DPP6: variants seen among roughly 807,000 people sequenced by gnomAD.
The protein encoded by DPP6 is A-type potassium channel modulatory protein DPP6.
In DPP6, 69 loss-of-function variants were observed where a neutral mutation model predicts 122.6. The observed-to-expected ratio is 0.56, with a 90% confidence interval of 0.46 to 0.69. The LOEUF (loss-of-function observed/expected upper bound fraction) is 0.69, where lower values mean the gene tolerates loss of function less well. DPP6 is among the 30% of genes least tolerant of loss of function. DPP6 has a pLI of 0.00. For missense variants in DPP6, 928 were observed against 1,116.9 expected (o/e 0.83, Z 2.41); for synonymous variants, 418 against 433.1 (o/e 0.97, Z 0.43).
the DPP6 span, among the ~76,000 whole-genome samples, chr7:153,854,457 C>T: frequency 6.7e-6 from 1 of 150,228 alleles, no homozygotes; most frequent in Non-Finnish European, 1.5e-5. Flanking sequence ...CAAAAGAAGA[C>T]ATTTATGCAG....
intron 1 of DPP6, among the ~76,000 whole-genome samples, chr7:153,895,728 G>GCACA (rs10599371): frequency 0.014 from 2,029 of 149,918 alleles, 22 homozygotes; most frequent in South Asian, 0.049. Context: ...GTGCATGCGT[G>GCACA]CACACACACA....
chr7:154,164,911 A>G (rs920276671), intron 1 of DPP6, among the ~76,000 whole-genome samples: 8 of 152,230 alleles, frequency 5.3e-5, no homozygotes, highest in African/African-American at 1.9e-4. Context: ...GGTATGAATG[A>G]GGCTGCTATG....
chr7:154,535,156 C>T (rs117486723), intron 3 of DPP6, among the ~76,000 whole-genome samples: 2,309 of 151,960 alleles, frequency 0.015, 29 homozygotes, highest in Non-Finnish European at 0.022. Context: ...GAATAACAAA[C>T]GAGTTATGTA....
intron 16 of DPP6, among the ~76,000 whole-genome samples, chr7:154,819,455 A>G (rs1253375604): frequency 6.6e-6 from 1 of 152,154 alleles, no homozygotes; most frequent in Non-Finnish European, 1.5e-5. Context: ...ATTCAACTCA[A>G]TAAATAATGA....
chr7:154,675,514 A>G (rs1838844385), intron 7 of DPP6, among the ~76,000 whole-genome samples: 1 of 152,176 alleles, frequency 6.6e-6, no homozygotes, highest in South Asian at 2.1e-4. Context: ...CATGGTCACA[A>G]GCTAGCTTAG....
At chr7:154,585,599 T>A (rs1832388081) in intron 5 of DPP6, among the ~76,000 whole-genome samples, 1 of 152,226 alleles carries the variant, frequency 6.6e-6, no homozygotes, top group African/African-American at 2.4e-5. Context: ...AATAGTGTAG[T>A]ATTTCCCTAT....
chr7:153,836,085 C>T, the DPP6 span, among the ~76,000 whole-genome samples: 4 of 152,218 alleles, frequency 2.6e-5, no homozygotes, highest in African/African-American at 7.2e-5. Flanking sequence ...CTTATCTGAT[C>T]TCCAAACACC....
chr7:154,337,944 C>A (rs1809576014), intron 1 of DPP6, among the ~76,000 whole-genome samples: 1 of 152,198 alleles, frequency 6.6e-6, no homozygotes, highest in Non-Finnish European at 1.5e-5. Context: ...AGCTCTCGGC[C>A]CGTGTGGCAT....
chr7:153,830,792 G>A, the DPP6 span, among the ~76,000 whole-genome samples: 3 of 152,186 alleles, frequency 2.0e-5, no homozygotes, highest in Non-Finnish European at 4.4e-5. Flanking sequence ...AATAGCTTAA[G>A]ATATATTTCA....
intron 1 of DPP6, among the ~76,000 whole-genome samples, chr7:154,366,983 C>G (rs1812244109): frequency 6.6e-6 from 1 of 152,162 alleles, no homozygotes; most frequent in African/African-American, 2.4e-5. Context: ...TTGAGATGCT[C>G]TTCGATGTCA....
intron 3 of DPP6, among the ~76,000 whole-genome samples, chr7:154,511,098 C>A (rs560415030): frequency 6.6e-6 from 1 of 151,970 alleles, no homozygotes; most frequent in East Asian, 1.9e-4. Flanking sequence ...AAGGAAAATT[C>A]GATATCACTT....
chr7:154,054,840 C>T (rs1800677309), intron 1 of DPP6, among the ~76,000 whole-genome samples: 1 of 149,568 alleles, frequency 6.7e-6, no homozygotes, highest in African/African-American at 2.5e-5. Context: ...GTTTTTTTCT[C>T]AACAGGCTCT....
rs571456560 is a variant in DPP6 at position 154,621,516 on chromosome 7, A to C, written c.628-16305A>C. ...CCCAAGTAGCTGGGATTACAGGCTCATGCCACCACACCCAGCTAATTTTTG... is the reference window on the plus strand; with the variant it reads ...CCCAAGTAGCTGGGATTACAGGCTCCTGCCACCACACCCAGCTAATTTTTG... On this transcript the variant is annotated intron_variant, in intron 5 of 25. Coordinates refer to ENST00000377770, the MANE Select transcript of DPP6 (RefSeq NM_130797.4). Among the ~76,000 whole-genome samples, 483 of 151,906 alleles carry C rather than the reference A, an allele frequency of 3.2e-3. 2 individuals carry two copies. The highest frequency in any genetic ancestry group is 4.6e-3 in the Non-Finnish European group (312 of 67,942).
chr7:154,454,524 A>T (rs1412180160), intron 2 of DPP6, among the ~76,000 whole-genome samples: 2 of 152,154 alleles, frequency 1.3e-5, no homozygotes, highest in Admixed American at 6.5e-5. Flanking sequence ...TCCAGTAGAG[A>T]TGGAAGAAAA....
At chr7:154,097,980 C>T (rs1364206958) in intron 1 of DPP6, among the ~76,000 whole-genome samples, 1 of 152,196 alleles carries the variant, frequency 6.6e-6, no homozygotes, top group African/African-American at 2.4e-5. Flanking sequence ...CTGCCATATA[C>T]ATTAGGAGCA....
chr7:153,862,845 C>A, the DPP6 span, among the ~76,000 whole-genome samples: 1 of 151,904 alleles, frequency 6.6e-6, no homozygotes, highest in East Asian at 1.9e-4. Context: ...AAATCGGTAA[C>A]ATATAATACT....
At chr7:154,647,799 G>C (rs1245969646) in intron 6 of DPP6, among the ~76,000 whole-genome samples, 2 of 152,158 alleles carry the variant, frequency 1.3e-5, no homozygotes, top group African/African-American at 4.8e-5. Context: ...CACGCGTGTT[G>C]AACCAGCCAT....
At chr7:154,343,674 G>A (rs1810127930) in intron 1 of DPP6, among the ~76,000 whole-genome samples, 1 of 152,208 alleles carries the variant, frequency 6.6e-6, no homozygotes, top group African/African-American at 2.4e-5. Flanking sequence ...TCTGCCTCCT[G>A]GGTTCAGGCG....
intron 1 of DPP6, chr7:154,059,358 C>T (rs1801334715): frequency 6.4e-6 from 1 of 155,756 alleles, no homozygotes; most frequent in African/African-American, 2.5e-5. Context: ...ATCCTAAGAT[C>T]CTTAGGACCC....
Sources: allele counts gnomAD v4.1 joint callset (sites outside exome capture counted in the v4.1 genomes callset), GRCh38; gene constraint gnomAD v4.1.1; transcripts MANE v1.5; gene names NCBI Gene and HGNC (gene_info 2026-07-23, HGNC 2026-07-21).